Variants in STK33 observed in about 807,000 individuals in gnomAD.
The protein encoded by STK33 is serine/threonine-protein kinase 33.
In STK33, 52 loss-of-function variants were observed where a neutral mutation model predicts 58.0. That is an observed-to-expected ratio of 0.90 (90% CI 0.72 to 1.13). The LOEUF (loss-of-function observed/expected upper bound fraction) is 1.13. Ranked by LOEUF, STK33 falls within the 50% of genes most tolerant of loss-of-function variation. The pLI is 0.00. For synonymous variants in STK33, 215 were observed against 200.1 expected, an observed-to-expected ratio of 1.07 and a Z score of -0.63; for missense variants, 630 against 604.2, an observed-to-expected ratio of 1.04 and a Z score of -0.45.
intron 11 of STK33, among the ~76,000 whole-genome samples, chr11:8,441,172 G>A (rs7127684): frequency 0.5 from 75,377 of 151,982 alleles, 18,755 homozygotes; most frequent in South Asian, 0.64. Flanking sequence ...ACTAAGGTAC[G>A]TGGTTATAAA....
the STK33 span, among the ~76,000 whole-genome samples, chr11:8,345,976 G>A: frequency 1.3e-5 from 2 of 152,170 alleles, no homozygotes; most frequent in East Asian, 1.9e-4. Flanking sequence ...CTTTATGTGC[G>A]TCATCTCTAG....
intron 1 of STK33, among the ~76,000 whole-genome samples, chr11:8,487,848 T>C (rs895088450): frequency 3.9e-5 from 6 of 152,188 alleles, no homozygotes; most frequent in Non-Finnish European, 5.9e-5. Flanking sequence ...TTTTCATAAC[T>C]CTAGATATTA....
intron 14 of STK33, among the ~76,000 whole-genome samples, chr11:8,418,296 G>A (rs1941416656): frequency 6.6e-6 from 1 of 151,986 alleles, no homozygotes; most frequent in African/African-American, 2.4e-5. Context: ...TTGTGTCCAT[G>A]AGTTTTCATC....
chr11:8,389,161 A>T (rs1454157159), downstream of STK33, among the ~76,000 whole-genome samples: 1 of 152,216 alleles, frequency 6.6e-6, no homozygotes, highest in Non-Finnish European at 1.5e-5. Context: ...ACAAAGGAAG[A>T]CATAGTAGCC....
At chr11:8,435,074 A>T (rs1001342612) in intron 14 of STK33, among the ~76,000 whole-genome samples, 1 of 152,184 alleles carries the variant, frequency 6.6e-6, no homozygotes, top group Non-Finnish European at 1.5e-5. Flanking sequence ...AAACCAGGAG[A>T]CTGCCACTGT....
intron 1 of STK33, among the ~76,000 whole-genome samples, chr11:8,587,652 T>C (rs1033318649): frequency 7.9e-5 from 12 of 151,834 alleles, no homozygotes; most frequent in African/African-American, 2.9e-4. Context: ...CTTTTCTTTG[T>C]GGAAAGGTTC....
intron 14 of STK33, among the ~76,000 whole-genome samples, chr11:8,416,384 C>A (rs1019871065): frequency 6.6e-6 from 1 of 152,082 alleles, no homozygotes; most frequent in African/African-American, 2.4e-5. Context: ...GTATTTCTAA[C>A]ATTCTAAATT....
At chr11:8,510,033 C>A (rs572165029) in intron 1 of STK33, among the ~76,000 whole-genome samples, 106 of 152,276 alleles carry the variant, frequency 7.0e-4, no homozygotes, top group African/African-American at 2.5e-3. Context: ...AGTGGGATTG[C>A]CAGATCAAAT....
At chr11:8,541,070 G>C (rs917987487) in intron 1 of STK33, among the ~76,000 whole-genome samples, 3 of 149,410 alleles carry the variant, frequency 2.0e-5, no homozygotes, top group African/African-American at 7.4e-5. Flanking sequence ...TTAAATTTAG[G>C]TTTGAAACAA....
At chr11:8,433,189 C>A (rs1238009907) in intron 14 of STK33, among the ~76,000 whole-genome samples, 2 of 152,062 alleles carry the variant, frequency 1.3e-5, no homozygotes, top group Non-Finnish European at 2.9e-5. Context: ...TTTGAGAGAG[C>A]AACACATTCA....
intron 1 of STK33, among the ~76,000 whole-genome samples, chr11:8,507,264 T>C (rs976323017): frequency 1.3e-5 from 2 of 152,182 alleles, no homozygotes; most frequent in African/African-American, 2.4e-5. Flanking sequence ...CTTTCTACGA[T>C]ACCCAAAGAT....
At chr11:8,556,550 G>A (rs1031452924) in intron 1 of STK33, among the ~76,000 whole-genome samples, 9 of 152,060 alleles carry the variant, frequency 5.9e-5, no homozygotes, top group African/African-American at 1.9e-4. Flanking sequence ...TTCCCTTCCA[G>A]TAAACTCCTT....
intron 14 of STK33, chr11:8,434,146 G>A (rs1943750138): frequency 6.0e-6 from 1 of 165,864 alleles, no homozygotes. Context: ...GAACCCAGGA[G>A]GCAGAGGTTG....
intron 1 of STK33, among the ~76,000 whole-genome samples, chr11:8,535,979 T>A (rs1954967228): frequency 6.6e-6 from 1 of 152,198 alleles, no homozygotes; most frequent in Admixed American, 6.5e-5. Context: ...GTCATTATCT[T>A]AAGTGAAATA....
the STK33 span, among the ~76,000 whole-genome samples, chr11:8,382,446 G>A: frequency 6.6e-6 from 1 of 152,242 alleles, no homozygotes; most frequent in African/African-American, 2.4e-5. Context: ...ACACTCCTGG[G>A]AATTCTCAGA....
chr11:8,577,129 T>G (rs768488168), intron 1 of STK33, among the ~76,000 whole-genome samples: 24 of 152,210 alleles, frequency 1.6e-4, no homozygotes, highest in Non-Finnish European at 2.5e-4. Flanking sequence ...GAGGGTACTA[T>G]GGTATCTAAC....
chr11:8,374,559 T>A, the STK33 span, among the ~76,000 whole-genome samples: 5 of 152,244 alleles, frequency 3.3e-5, no homozygotes, highest in African/African-American at 1.2e-4. Context: ...TAGATCATAC[T>A]CGGGGTCTCC....
At chr11:8,558,839 C>T (rs1565363362) in intron 1 of STK33, among the ~76,000 whole-genome samples, 1 of 152,188 alleles carries the variant, frequency 6.6e-6, no homozygotes. Flanking sequence ...AATGGCATTG[C>T]AGCAAATTCA....
chr11:8,424,906 T>A (rs1286320119), intron 14 of STK33, among the ~76,000 whole-genome samples: 1 of 135,500 alleles, frequency 7.4e-6, no homozygotes, highest in Non-Finnish European at 1.6e-5. Flanking sequence ...GATGAGTAGA[T>A]TGCAAAAATT....
Sources: gnomAD v4.1 joint callset for allele counts (sites outside exome capture counted in the v4.1 genomes callset) on GRCh38, gnomAD v4.1.1 for gene constraint, MANE v1.5 for transcripts, NCBI Gene and HGNC (gene_info 2026-07-23, HGNC 2026-07-21) for gene names.